Variants in NPC1L1 observed in about 807,000 individuals in gnomAD.
NPC1L1 encodes the protein NPC1-like intracellular cholesterol transporter 1.
Under a neutral mutation model 117.0 loss-of-function variants are expected in NPC1L1, and 98 were observed. The ratio of observed to expected loss-of-function variants is 0.84; its 90% CI spans 0.71 to 0.99. The LOEUF (loss-of-function observed/expected upper bound fraction) is 0.99. Among genes scored for constraint, NPC1L1 ranks in the 50% least tolerant of loss-of-function variants. The pLI, the probability that NPC1L1 is intolerant of heterozygous loss-of-function variation, is 0.00. For missense variants in NPC1L1, 1,540 were observed against 1,710.0 expected, an observed-to-expected ratio of 0.90 and a Z score of 1.75; for synonymous variants, 729 against 727.6, an observed-to-expected ratio of 1.00 and a Z score of -0.03.
intron 5 of NPC1L1, among the ~76,000 whole-genome samples, chr7:44,535,335 G>A (rs976368449): frequency 8.6e-5 from 13 of 151,428 alleles, no homozygotes; most frequent in African/African-American, 3.2e-4. Flanking sequence ...TTACACTGCA[G>A]CCTGGGCAAC....
rs1801379541 is a variant in NPC1L1 at position 44,522,152 on chromosome 7, A to G, written c.2728T>C (p.Phe910Leu). The change falls in exon 11 of 19, where the codon TTC becomes CTC. Residue 910 changes from phenylalanine to leucine, a missense_variant. This residue lies in a region of NPC1L1 where 742 missense variants were observed against 873.6 expected (regional missense o/e 0.85). Transcript: ENST00000381160. ...GCATTCATCCCAGCCTCGCTGGAGA[A>G]GTTGTAGCCCAAGGTGGTAACAAAG... Reference protein sequence around the residue: ...VYFVTTLGYNFSSEAGMNAIC... With the variant: ...VYFVTTLGYNLSSEAGMNAIC... 1 of 1,613,882 alleles carries G rather than the reference A, an allele frequency of 6.2e-7. No homozygotes were observed. The highest frequency in any genetic ancestry group is 1.3e-5 in the African/African-American group (1 of 74,878).
chr7:44,527,798 G>A (rs1282944995), intron 10 of NPC1L1, among the ~76,000 whole-genome samples: 3 of 152,080 alleles, frequency 2.0e-5, no homozygotes, highest in African/African-American at 7.2e-5. Flanking sequence ...AAAATCATTA[G>A]CCTATGATTT....
chr7:44,516,959 C>G (rs1801209992), intron 15 of NPC1L1, 25 bp from the exon 16 acceptor site: 1 of 1,602,230 alleles, frequency 6.2e-7, no homozygotes, highest in Middle Eastern at 2.0e-4. Flanking sequence ...AGCATGGTCA[C>G]AGGCTCAGGC....
chr7:44,531,775 G>T lies in NPC1L1; in HGVS notation c.2617C>A (p.Gln873Lys). 1 of 1,582,476 alleles carries T rather than the reference G, an allele frequency of 6.3e-7. No individual in the cohort carries two copies. The highest frequency in any genetic ancestry group is 8.6e-7 in the Non-Finnish European group (1 of 1,164,468). Reference protein sequence around the residue: ...SMCHISVGLDQELALPKDSYL... With the variant: ...SMCHISVGLDKELALPKDSYL... ...CTCACCTTGGGCAGGGCCAGCTCCT[G>T]GTCCAGTCCCACGCTGATGTGGCAC... Residue 873 changes from glutamine to lysine, a missense_variant, in exon 10 of 19, where the codon CAG becomes AAG. Gln to Lys is a moderately conservative substitution (Grantham distance 53). Around this residue, in one of 3 missense-constraint regions of NPC1L1, gnomAD observed 742 missense variants for 873.6 expected, o/e 0.85. Transcript: ENST00000381160.
rs1801905542 is a variant in NPC1L1, at chr7:44,536,698, AG to A, written c.1681+143del. The A allele has an allele frequency of 1.3e-6, 1 of 775,958 alleles. No homozygotes were observed. Among genetic ancestry groups the A allele is most frequent in the Admixed American group, 2.1e-5 (1 of 48,154 alleles). 48.1% of individuals were successfully genotyped at this position (775,958 alleles called of 1,614,324 possible). A position where few individuals can be genotyped will look rare whatever the true frequency, so the allele number is the denominator to read the frequency against. On this transcript the variant is annotated intron_variant, in intron 3 of 18. Transcript: ENST00000381160. This position sits in a 1 kb window ranked among gnomAD's most constrained non-coding sequence, Gnocchi z 4.7. ...AAAGGAGATGGCAGAGAGAGGAAAC[AG>A]GACAGGGTTGGCCTACAGCTTCCAG...
In NPC1L1 at chr7:44,539,101, G is replaced by T; in HGVS notation, c.1296C>A (p.Phe432Leu). Reference sequence around the variant, plus strand: ...GCAAGTCCAGGTCCAGGATTCCGCTGAAGTTCTTGGGCCCCAGCAGCAGAG... The same window carrying T: ...GCAAGTCCAGGTCCAGGATTCCGCTTAAGTTCTTGGGCCCCAGCAGCAGAG... ...YDSLLLGPKN[F>L]SGILDLDLLL... The change falls in exon 2 of 19, where the codon TTC becomes TTA. Residue 432 changes from phenylalanine (F) to leucine (L), a missense_variant. Coordinates refer to ENST00000381160, the MANE Select transcript of NPC1L1 (RefSeq NM_001101648.2). The surrounding 1 kb of genome is among the most constrained non-coding windows in gnomAD (Gnocchi z 4.4). The T allele has an allele frequency of 6.2e-7, 1 of 1,614,124 alleles. No homozygotes were observed. Among genetic ancestry groups the T allele is most frequent in the Non-Finnish European group, 8.5e-7 (1 of 1,179,994 alleles).
At position 44,540,065 on chromosome 7, in the gene NPC1L1, G is replaced by A. The variant is rs775686319; in HGVS notation, c.332C>T (p.Thr111Ile). Residue 111 changes from threonine to isoleucine, a missense_variant, in exon 2 of 19, where the codon ACC becomes ATC. This residue lies in a region of NPC1L1 where 793 missense variants were observed against 820.4 expected (regional missense o/e 0.97). Transcript: ENST00000381160. ...ASLSITKALL[T>I]RCPACSDNFV... ...ATTGTCAGAGCAGGCTGGGCAGCGGGTGAGGAGGGCCTTGGTGATCGACAG... is the reference window on the plus strand; with the variant it reads ...ATTGTCAGAGCAGGCTGGGCAGCGGATGAGGAGGGCCTTGGTGATCGACAG... The A allele has an allele frequency of 6.2e-7, 1 of 1,614,218 alleles. No homozygotes were observed. The highest frequency in any genetic ancestry group is 8.5e-7 in the Non-Finnish European group (1 of 1,180,040).
intron 9 of NPC1L1, 26 bp from the exon 10 acceptor site, chr7:44,531,870 C>A (rs1208430716): frequency 6.4e-7 from 1 of 1,557,790 alleles, no homozygotes; most frequent in African/African-American, 1.4e-5. Context: ...CTGCATGAGA[C>A]CACCCTGCCC....
chr7:44,532,048 C>T, intron 9 of NPC1L1, 32 bp downstream of exon 9: 1 of 1,614,110 alleles, frequency 6.2e-7, no homozygotes, highest in Non-Finnish European at 8.5e-7. Context: ...CACCTAGTGC[C>T]CCTGCTCTCG....
Position 44,525,693 on chromosome 7 carries a change from C to A in NPC1L1, c.2638-3451G>T, listed in dbSNP as rs1408207495. Among the ~76,000 whole-genome samples, 3 of 151,628 alleles carry A rather than the reference C, an allele frequency of 2.0e-5. No individual in the cohort carries two copies. The East Asian group carries it at 5.8e-4, about 30-fold the overall frequency. ...TTCAAGTCCATTCTAGGCAACATAG[C>A]AAGACCCTGCCTCTAAAAAATAAAA... On this transcript the variant is annotated intron_variant, in intron 10 of 18. Coordinates refer to ENST00000381160, the MANE Select transcript of NPC1L1 (RefSeq NM_001101648.2).
chr7:44,515,813 G>A lies in NPC1L1; in HGVS notation c.3786C>T (p.Leu1262=). ...GGCCTGGGCACTCACCCACGTAGCTGAGGATGACGGGCAGGAAGACCAAGC... is the reference window on the plus strand; with the variant it reads ...GGCCTGGGCACTCACCCACGTAGCTAAGGATGACGGGCAGGAAGACCAAGC... The part of the protein sequence containing the change: ...LHGLVFLPVI[L]SYVGPDVNPA... The change falls in exon 18 of 19, where the codon CTC becomes CTT. Residue 1262 remains leucine (L), a synonymous_variant. Transcript: ENST00000381160. 10 of 1,614,200 alleles carry A rather than the reference G, an allele frequency of 6.2e-6. No homozygotes were observed. Among genetic ancestry groups the A allele is most frequent in the Non-Finnish European group, 8.5e-6 (10 of 1,180,048 alleles).
chr7:44,522,443 G>A (rs1801390949), intron 10 of NPC1L1, among the ~76,000 whole-genome samples: 2 of 152,030 alleles, frequency 1.3e-5, no homozygotes, highest in African/African-American at 4.8e-5. Flanking sequence ...GTGCTCAGTG[G>A]GACACTCAGA....
At chr7:44,537,127 C>T (rs1275581131) in intron 2 of NPC1L1, among the ~76,000 whole-genome samples, 185 bp from the exon 3 acceptor site, 1 of 152,190 alleles carries the variant, frequency 6.6e-6, no homozygotes, top group East Asian at 1.9e-4. Context: ...AGGACCCAGC[C>T]GAGTGGGTCC....
At position 44,513,444 on chromosome 7, in the gene NPC1L1, G is replaced by A. The variant is rs758255762; in HGVS notation, c.*3C>T. On this transcript the variant is annotated 3_prime_UTR_variant, in exon 19 of 19. Coordinates refer to ENST00000381160, the MANE Select transcript of NPC1L1 (RefSeq NM_001101648.2). The stretch of plus-strand genomic sequence containing the variant: ...TAGAGCCTAGACAGGGCCTCTGGCT[G>A]TATCAGAACTGCCGCCCATTGTTGG... 2 of 1,613,912 alleles carry A rather than the reference G, an allele frequency of 1.2e-6. No individual in the cohort carries two copies. Among genetic ancestry groups the A allele is most frequent in the Admixed American group, 1.7e-5 (1 of 60,030 alleles).
chr7:44,519,479 G>C (rs1460226077), intron 14 of NPC1L1, among the ~76,000 whole-genome samples: 2 of 152,186 alleles, frequency 1.3e-5, no homozygotes, highest in Admixed American at 1.3e-4. Flanking sequence ...TGGGCAGGGT[G>C]CATTGCCCTT....
In NPC1L1 at chr7:44,534,316, C is replaced by T. The variant is rs1019111281; in HGVS notation, c.2166+131G>A. 2 of 863,808 alleles carry T rather than the reference C, an allele frequency of 2.3e-6. No homozygotes were observed. The highest frequency in any genetic ancestry group is 2.4e-5 in the East Asian group (1 of 41,456). 53.5% of individuals were successfully genotyped at this position (863,808 alleles called of 1,614,324 possible). The stretch of plus-strand genomic sequence containing the variant: ...CTCTAGTTTCTACAGATATTGTAAA[C>T]ATGCGTGTCGATGAACAGAAAGAGT... On this transcript the variant is annotated intron_variant, in intron 6 of 18. Coordinates refer to ENST00000381160, the MANE Select transcript of NPC1L1 (RefSeq NM_001101648.2). The surrounding 1 kb of genome is among the most constrained non-coding windows in gnomAD (Gnocchi z 5.2).
At position 44,536,210 on chromosome 7, in the gene NPC1L1, A is replaced by G. The variant is rs756329598; in HGVS notation, c.1854+46T>C. On this transcript the variant is annotated intron_variant, in intron 4 of 18. Coordinates refer to ENST00000381160, the MANE Select transcript of NPC1L1 (RefSeq NM_001101648.2). The surrounding 1 kb of genome is among the most constrained non-coding windows in gnomAD (Gnocchi z 4.7). ...ATGGGGACACAGGAACTGACCCAAG[A>G]CCACCTGGGTTGCACCCCCAGAGCC... 3 of 1,609,930 alleles carry G rather than the reference A, an allele frequency of 1.9e-6. No individual in the cohort carries two copies. Among genetic ancestry groups the G allele is most frequent in the Non-Finnish European group, 2.5e-6 (3 of 1,178,046 alleles).
chr7:44,535,295 C>T (rs1202079124), intron 5 of NPC1L1, among the ~76,000 whole-genome samples: 4 of 150,962 alleles, frequency 2.6e-5, no homozygotes, highest in East Asian at 1.9e-4. Context: ...ACCCAGGAGG[C>T]GGAGGTTGCA....
At position 44,541,127 on chromosome 7, in the gene NPC1L1, C is replaced by T. The variant is rs936729385; in HGVS notation, c.54+79G>A. ...AGGCTCCCTTGCTGTCACCCAGTAA[C>T]GCTCGCCTGGTACACGGCTGGCCCC... On this transcript the variant is annotated intron_variant, in intron 1 of 18. Transcript: ENST00000381160. The T allele has an allele frequency of 2.3e-5, 34 of 1,474,384 alleles. No individual in the cohort carries two copies. In the African/African-American group the frequency reaches 2.4e-4, roughly 10 times the overall value. 91.3% of individuals were successfully genotyped at this position (1,474,384 alleles called of 1,614,324 possible).
Sources: allele counts gnomAD v4.1 joint callset (sites outside exome capture counted in the v4.1 genomes callset), GRCh38; gene constraint gnomAD v4.1.1; regional missense constraint gnomAD v4.1.1; non-coding constraint Gnocchi (gnomAD v3.1); transcripts MANE v1.5; gene names NCBI Gene and HGNC (gene_info 2026-07-23, HGNC 2026-07-21).